Variants in TBX4 observed in about 807,000 individuals in gnomAD.
TBX4 encodes T-box transcription factor 4.
TBX4 carries 13 observed loss-of-function variants against 54.6 expected under a neutral mutation model. That is an observed-to-expected ratio of 0.24 (90% CI 0.15 to 0.38). The LOEUF (loss-of-function observed/expected upper bound fraction) is 0.38, where lower values mean the gene tolerates loss of function less well. TBX4 is among the 10% of genes least tolerant of loss of function. The pLI, the probability that TBX4 is intolerant of heterozygous loss-of-function variation, is 1.00. For missense variants in TBX4, 631 were observed against 728.5 expected (o/e 0.87, Z 1.54); for synonymous variants, 314 against 306.7 (o/e 1.02, Z -0.25).
At chr17:61,468,429 C>T (rs564088034) in intron 5 of TBX4, among the ~76,000 whole-genome samples, 2 of 152,330 alleles carry the variant, frequency 1.3e-5, no homozygotes, top group African/African-American at 4.8e-5. Context: ...CCCCTCCCCT[C>T]GAGACTGCCC....
chr17:61,456,324 C>T, intron 1 of TBX4, 164 bp from the exon 2 acceptor site: 2 of 886,652 alleles, frequency 2.3e-6, no homozygotes, highest in Admixed American at 2.1e-5. Flanking sequence ...AGGGACCTGC[C>T]TTCCTTGCGG....
rs2143803436 is a variant in TBX4 at position 61,459,926 on chromosome 17, A to G, written c.281+2295A>G. On this transcript the variant is annotated intron_variant, in intron 3 of 8. Coordinates refer to ENST00000644296, the MANE Select transcript of TBX4 (RefSeq NM_001321120.2). This position sits in a 1 kb window ranked among gnomAD's most constrained non-coding sequence, Gnocchi z 4.8. Reference sequence around the variant, plus strand: ...AGCAACCACTGTATTGCTCTGATCTACGTTACTCAGGCTGTGGTTCTTCAA... The same window carrying G: ...AGCAACCACTGTATTGCTCTGATCTGCGTTACTCAGGCTGTGGTTCTTCAA... 6.7e-6 allele frequency among the ~76,000 whole-genome samples: 1 copy of G among 149,598 alleles called. No homozygotes were observed. The highest frequency in any genetic ancestry group is 2.1e-4 in the South Asian group (1 of 4,758).
intron 2 of TBX4, among the ~76,000 whole-genome samples, chr17:61,456,956 T>C (rs865828514): frequency 6.6e-6 from 1 of 152,106 alleles, no homozygotes; most frequent in Non-Finnish European, 1.5e-5. Context: ...CCCCGTAGCA[T>C]CTGAGCGAGC....
At chr17:61,467,103 G>A (rs368321101) in intron 4 of TBX4, among the ~76,000 whole-genome samples, 154 of 152,182 alleles carry the variant, frequency 1.0e-3, no homozygotes, top group South Asian at 3.3e-3. Flanking sequence ...AGGCTGCAGG[G>A]AGCTATGATC....
At chr17:61,467,340 C>T (rs2060543900) in intron 4 of TBX4, among the ~76,000 whole-genome samples, 170 bp from the exon 5 acceptor site, 1 of 152,214 alleles carries the variant, frequency 6.6e-6, no homozygotes, top group Admixed American at 6.5e-5. Flanking sequence ...CCTCAGCATT[C>T]TCTCCTCTGA....
rs183889719 is a variant in TBX4, at chr17:61,458,671, C to T, written c.281+1040C>T. On this transcript the variant is annotated intron_variant, in intron 3 of 8. Coordinates refer to ENST00000644296, the MANE Select transcript of TBX4 (RefSeq NM_001321120.2). ...AGGTGCTTAATGGTCTCTGCTCCCT[C>T]CCCACTCCATCTGTAAAAGAACAGG... Among the ~76,000 whole-genome samples the T allele has an allele frequency of 3.5e-3, 535 of 152,310 alleles. 1 individual carries two copies. Among genetic ancestry groups the T allele is most frequent in the South Asian group, 7.9e-3 (38 of 4,828 alleles).
Position 61,484,357 on chromosome 17 carries a change from T to A in TBX4, c.*841T>A, listed in dbSNP as rs547791456. ...GTCTCTCACTCTGGTGTGTGGAGAG[T>A]CAGCCTCCCAGGCACCATACCATCT... On this transcript the variant is annotated 3_prime_UTR_variant, in exon 9 of 9. Transcript: ENST00000644296. This position sits in a 1 kb window ranked among gnomAD's most constrained non-coding sequence, Gnocchi z 4.1. 2.6e-5 allele frequency: 4 copies of A among 151,876 alleles called. No homozygotes were observed. Among genetic ancestry groups the A allele is most frequent in the Admixed American group, 1.3e-4 (2 of 15,250 alleles). 9.4% of individuals were successfully genotyped at this position (151,876 alleles called of 1,614,324 possible).
In TBX4 at chr17:61,479,950, C is replaced by A; in HGVS notation, c.772C>A (p.Arg258Ser). The stretch of plus-strand genomic sequence containing the variant: ...CCGGGGCAGTGATGACAGTGACCTG[C>A]GTGTGGCCCGACTGCAGAGGTGGGG... The part of the protein sequence containing the change: ...GFRGSDDSDL[R>S]VARLQSKEYP... The change falls in exon 7 of 9, where the codon CGT (arginine) becomes AGT (serine). Residue 258 changes from arginine to serine, a missense_variant. Coordinates refer to ENST00000644296, the MANE Select transcript of TBX4 (RefSeq NM_001321120.2). This position sits in a 1 kb window ranked among gnomAD's most constrained non-coding sequence, Gnocchi z 6.1. The A allele has an allele frequency of 6.2e-7, 1 of 1,614,084 alleles. No individual in the cohort carries two copies. The highest frequency in any genetic ancestry group is 8.5e-7 in the Non-Finnish European group (1 of 1,180,008).
At chr17:61,456,358 G>C in intron 1 of TBX4, 130 bp from the exon 2 acceptor site, 1 of 1,256,108 alleles carries the variant, frequency 8.0e-7, no homozygotes, top group Non-Finnish European at 1.1e-6. Flanking sequence ...GCTCAGGAGG[G>C]GGCGGGGTCC....
chr17:61,456,940 G>A (rs1416487224), intron 2 of TBX4, among the ~76,000 whole-genome samples: 1 of 152,198 alleles, frequency 6.6e-6, no homozygotes, highest in Non-Finnish European at 1.5e-5. Flanking sequence ...TAAGAGAGAG[G>A]GAGACCCCCG....
At position 61,483,225 on chromosome 17, in the gene TBX4, C is replaced by T. The variant is rs2060678202; in HGVS notation, c.1350C>T (p.Thr450=). The change falls in exon 9 of 9, where the codon ACC becomes ACT. Residue 450 remains threonine (T), a synonymous_variant. Transcript: ENST00000644296. The surrounding 1 kb of genome is among the most constrained non-coding windows in gnomAD (Gnocchi z 6.6). ...YQPFPTHFTA[T]TMMPRLPTLS... is the part of the protein sequence containing the mutation. Reference sequence around the variant, plus strand: ...CCTTCCCCACGCACTTCACCGCCACCACCATGATGCCGCGGCTGCCCACCC... The same window carrying T: ...CCTTCCCCACGCACTTCACCGCCACTACCATGATGCCGCGGCTGCCCACCC... 4 of 1,614,194 alleles carry T rather than the reference C, an allele frequency of 2.5e-6. No individual in the cohort carries two copies. Among genetic ancestry groups the T allele is most frequent in the Non-Finnish European group, 3.4e-6 (4 of 1,180,034 alleles).
intron 3 of TBX4, among the ~76,000 whole-genome samples, chr17:61,458,591 G>A (rs890499316): frequency 2.6e-5 from 4 of 152,156 alleles, no homozygotes; most frequent in Non-Finnish European, 5.9e-5. Context: ...TCAGACCACG[G>A]TGGGTGAGGG....
At chr17:61,473,775 A>G (rs1300466452) in intron 5 of TBX4, among the ~76,000 whole-genome samples, 4 of 152,368 alleles carry the variant, frequency 2.6e-5, no homozygotes, top group Admixed American at 2.6e-4. Context: ...CCTACTTTAT[A>G]CGGATACTGT....
rs759838845 is a variant in TBX4 at position 61,457,545 on chromosome 17, G to A, written c.195G>A (p.Glu65=). Residue 65 remains glutamate (E), a synonymous_variant, in exon 3 of 9, where the codon GAG becomes GAA. Transcript: ENST00000644296. This position sits in a 1 kb window ranked among gnomAD's most constrained non-coding sequence, Gnocchi z 8.2. The part of the protein sequence containing the change: ...VAAAAAEQTI[E]NIKVGLHEKE... The stretch of plus-strand genomic sequence containing the variant: ...CTCCCTCCCATCCCCAGACCATCGA[G>A]AACATCAAGGTGGGGCTGCATGAGA... The A allele has an allele frequency of 6.2e-7, 1 of 1,613,948 alleles. No individual in the cohort carries two copies. The highest frequency in any genetic ancestry group is 8.5e-7 in the Non-Finnish European group (1 of 1,179,944).
In TBX4 at chr17:61,478,918, G is replaced by C; in HGVS notation, c.702+139G>C. 1 of 1,312,712 alleles carries C rather than the reference G, an allele frequency of 7.6e-7. No homozygotes were observed. The highest frequency in any genetic ancestry group is 1.5e-5 in the African/African-American group (1 of 68,336). The allele number at this position is 1,312,712 out of a possible 1,614,324, so 81.3% of individuals were successfully genotyped here. On this transcript the variant is annotated intron_variant, in intron 6 of 8. Transcript: ENST00000644296. This position sits in a 1 kb window ranked among gnomAD's most constrained non-coding sequence, Gnocchi z 7.4. ...CCAGTGCAGGGACCTCAGAAGCCTA[G>C]AGTCCCTCGGAGCCGCGAGCAAATC...
chr17:61,477,954 A>AG (rs952836456), intron 5 of TBX4, among the ~76,000 whole-genome samples: 2 of 151,586 alleles, frequency 1.3e-5, no homozygotes, highest in African/African-American at 2.4e-5. Flanking sequence ...AAAAAAAAAA[A>AG]AAAAAGAAAA....
rs756385029 is a variant in TBX4, at chr17:61,483,179, T to C, written c.1304T>C (p.Met435Thr). 6.2e-7 allele frequency: 1 copy of C among 1,614,158 alleles called. No homozygotes were observed. Among genetic ancestry groups the C allele is most frequent in the East Asian group, 2.2e-5 (1 of 44,878 alleles). ...TACACCAGCTATAGCGTGCAGACGA[T>C]GGAGACTGTGCCGTACCAGCCCTTC... ...SPYTSYSVQT[M>T]ETVPYQPFPT... Residue 435 changes from methionine (M) to threonine (T), a missense_variant, in exon 9 of 9, where the codon ATG becomes ACG. Around this residue, in one of 3 missense-constraint regions of TBX4, gnomAD observed 354 missense variants for 368.9 expected, o/e 0.96. Coordinates refer to ENST00000644296, the MANE Select transcript of TBX4 (RefSeq NM_001321120.2). The surrounding 1 kb of genome is among the most constrained non-coding windows in gnomAD (Gnocchi z 6.6).
intron 1 of TBX4, among the ~76,000 whole-genome samples, chr17:61,454,630 C>T (rs1185287303): frequency 1.3e-5 from 2 of 152,268 alleles, no homozygotes; most frequent in African/African-American, 2.4e-5. Flanking sequence ...AAACCCTGAG[C>T]CCGGGAGGGA....
At chr17:61,454,826 G>C (rs985679974) in intron 1 of TBX4, among the ~76,000 whole-genome samples, 2 of 152,220 alleles carry the variant, frequency 1.3e-5, no homozygotes, top group Admixed American at 1.3e-4. Context: ...CCATGGCCAT[G>C]CGGGCCAAGC....
Sources: allele counts gnomAD v4.1 joint callset (sites outside exome capture counted in the v4.1 genomes callset), GRCh38; gene constraint gnomAD v4.1.1; regional missense constraint gnomAD v4.1.1; non-coding constraint Gnocchi (gnomAD v3.1); transcripts MANE v1.5; gene names NCBI Gene and HGNC (gene_info 2026-07-23, HGNC 2026-07-21).